C12orf54: variants seen among roughly 807,000 people sequenced by gnomAD.
The protein encoded by C12orf54 is chromosome 12 open reading frame 54, also known as uncharacterized protein C12orf54.
A neutral mutation model predicts 26.4 loss-of-function variants in C12orf54; 24 were observed. That is an observed-to-expected ratio of 0.91 (90% CI 0.66 to 1.28). The LOEUF (loss-of-function observed/expected upper bound fraction) is 1.28. Ranked by LOEUF, C12orf54 falls within the 50% of genes most tolerant of loss-of-function variation. The pLI is 0.00. For missense variants in C12orf54, 154 were observed against 150.9 expected (o/e 1.02, Z -0.11); for synonymous variants, 54 against 47.0 (o/e 1.15, Z -0.61).
chr12:48,492,323 G>A (rs1331018325), intron 6 of C12orf54, among the ~76,000 whole-genome samples: 1 of 152,190 alleles, frequency 6.6e-6, no homozygotes, highest in East Asian at 1.9e-4. Flanking sequence ...CCTCCACTGT[G>A]AGATCCAGAG....
chr12:48,487,037 C>G (rs1054064716), intron 4 of C12orf54, among the ~76,000 whole-genome samples: 1 of 152,168 alleles, frequency 6.6e-6, no homozygotes, highest in African/African-American at 2.4e-5. Flanking sequence ...CAGGTTTGGC[C>G]TTTCACAAAC....
chr12:48,424,215 T>C, the C12orf54 span, among the ~76,000 whole-genome samples: 1 of 152,100 alleles, frequency 6.6e-6, no homozygotes, highest in African/African-American at 2.4e-5. Context: ...TCGTGAAATG[T>C]TACTGATTTA....
upstream of C12orf54, among the ~76,000 whole-genome samples, chr12:48,480,087 A>AT (rs1954183144): frequency 6.6e-6 from 1 of 152,190 alleles, no homozygotes; most frequent in Admixed American, 6.5e-5. Flanking sequence ...TAAAAGCTTC[A>AT]TTTAAAAAAG....
upstream of C12orf54, among the ~76,000 whole-genome samples, chr12:48,478,361 C>G (rs555497315): frequency 6.6e-6 from 1 of 152,292 alleles, no homozygotes; most frequent in South Asian, 2.1e-4. Context: ...CCTCTCTCAC[C>G]ACTCCTATTC....
the C12orf54 span, among the ~76,000 whole-genome samples, chr12:48,415,717 A>T: frequency 6.6e-5 from 10 of 152,130 alleles, no homozygotes; most frequent in African/African-American, 2.4e-4. Flanking sequence ...GTTCTATGCC[A>T]GTCTTACAGC....
At chr12:48,474,294 G>A in the C12orf54 span, among the ~76,000 whole-genome samples, 1 of 152,226 alleles carries the variant, frequency 6.6e-6, no homozygotes, top group African/African-American at 2.4e-5. Flanking sequence ...AACAGCTCTG[G>A]TCTACAGCTC....
At chr12:48,424,105 C>T in the C12orf54 span, among the ~76,000 whole-genome samples, 29 of 152,004 alleles carry the variant, frequency 1.9e-4, no homozygotes, top group African/African-American at 4.8e-4. Flanking sequence ...TTTAGATGAT[C>T]ATATGCTTTT....
chr12:48,444,519 G>T, the C12orf54 span, among the ~76,000 whole-genome samples: 12 of 152,288 alleles, frequency 7.9e-5, no homozygotes, highest in African/African-American at 2.4e-4. Context: ...TTTTCACAAA[G>T]GACAAAGTTG....
the C12orf54 span, among the ~76,000 whole-genome samples, chr12:48,424,814 A>G: frequency 2.6e-5 from 4 of 152,190 alleles, no homozygotes; most frequent in African/African-American, 7.2e-5. Context: ...CAAAGAACCC[A>G]GACACAAATG....
At position 48,494,834 on chromosome 12, in the gene C12orf54, G is replaced by A. The variant is rs766441249; in HGVS notation, c.279G>A (p.Lys93=). ...CTCCAGATTCCTTGATGACCCCAAAGTTGAGAAGATTGCAGTTCAGCTCTG... is the reference window on the plus strand; with the variant it reads ...CTCCAGATTCCTTGATGACCCCAAAATTGAGAAGATTGCAGTTCAGCTCTG... ...IRPPDSLMTP[K]LRRLQFSSGE... The change falls in exon 8 of 9, where the codon AAG becomes AAA. Residue 93 remains lysine, a synonymous_variant. Transcript: ENST00000548364. 75 of 1,613,824 alleles carry A rather than the reference G, an allele frequency of 4.6e-5. No individual in the cohort carries two copies. The highest frequency in any genetic ancestry group is 6.1e-5 in the Non-Finnish European group (72 of 1,179,804).
chr12:48,478,940 T>C (rs1954171848), upstream of C12orf54, among the ~76,000 whole-genome samples: 1 of 152,220 alleles, frequency 6.6e-6, no homozygotes, highest in African/African-American at 2.4e-5. Context: ...AGTTCAACCC[T>C]TGTGGAAGTC....
At chr12:48,431,139 A>T in the C12orf54 span, among the ~76,000 whole-genome samples, 2 of 152,136 alleles carry the variant, frequency 1.3e-5, no homozygotes, top group African/African-American at 2.4e-5. Context: ...GACTTTGGGA[A>T]CTTGTGGGGA....
At chr12:48,420,920 G>T in the C12orf54 span, among the ~76,000 whole-genome samples, 1 of 152,130 alleles carries the variant, frequency 6.6e-6, no homozygotes, top group Non-Finnish European at 1.5e-5. Context: ...TTTAACTCAT[G>T]CACAGAAGGT....
chr12:48,443,632 T>C, the C12orf54 span, among the ~76,000 whole-genome samples: 9 of 152,336 alleles, frequency 5.9e-5, no homozygotes, highest in South Asian at 1.0e-3. Context: ...ATAATCTCCA[T>C]GCCCCGTTTA....
the C12orf54 span, among the ~76,000 whole-genome samples, chr12:48,436,753 A>G: frequency 5.9e-5 from 9 of 152,296 alleles, no homozygotes; most frequent in Non-Finnish European, 1.3e-4. Context: ...CACATTCAAA[A>G]CAGTGTGTAG....
chr12:48,452,684 T>A, the C12orf54 span, among the ~76,000 whole-genome samples: 1 of 152,088 alleles, frequency 6.6e-6, no homozygotes, highest in Admixed American at 6.5e-5. Flanking sequence ...CATTAAAAAG[T>A]GGGCAAAAGA....
the C12orf54 span, among the ~76,000 whole-genome samples, chr12:48,429,397 A>G: frequency 6.6e-6 from 1 of 152,106 alleles, no homozygotes; most frequent in East Asian, 1.9e-4. Context: ...TGCTGACGAT[A>G]TGACTGTTTA....
At chr12:48,472,616 T>C in the C12orf54 span, 3 of 1,607,412 alleles carry the variant, frequency 1.9e-6, no homozygotes, top group East Asian at 2.2e-5. Flanking sequence ...TCGGGGTTTA[T>C]TGGTTGAATT....
At chr12:48,476,634 CAA>C in the C12orf54 span, among the ~76,000 whole-genome samples, 1 of 152,068 alleles carries the variant, frequency 6.6e-6, no homozygotes, top group Non-Finnish European at 1.5e-5. Context: ...CAACAAAAAT[CAA>C]AAGAGACAAA....
Sources: gnomAD v4.1 joint callset for allele counts (sites outside exome capture counted in the v4.1 genomes callset) on GRCh38, gnomAD v4.1.1 for gene constraint, MANE v1.5 for transcripts, NCBI Gene and HGNC (gene_info 2026-07-23, HGNC 2026-07-21) for gene names.